Variants in PCCB observed in about 807,000 individuals in gnomAD.
PCCB encodes propionyl-CoA carboxylase beta chain, mitochondrial.
In PCCB, 43 loss-of-function variants were observed where a neutral mutation model predicts 60.7. The observed-to-expected ratio is 0.71, with a 90% confidence interval of 0.55 to 0.91. The LOEUF (loss-of-function observed/expected upper bound fraction) is 0.91. Ranked by LOEUF, PCCB falls within the 40% of genes least tolerant of loss-of-function variation. PCCB has a pLI of 0.00. For synonymous variants in PCCB, 276 were observed against 255.9 expected (o/e 1.08, Z -0.75); for missense variants, 766 against 702.8 (o/e 1.09, Z -1.02).
At chr3:136,326,366 G>A (rs949387080) in intron 10 of PCCB, 3 of 702,936 alleles carry the variant, frequency 4.3e-6, no homozygotes, top group Admixed American at 4.0e-5. Context: ...CTAGGAGGCA[G>A]TATCGTCCCT....
At chr3:136,327,830 C>A in intron 13 of PCCB, 98 bp downstream of exon 13, 1 of 983,618 alleles carries the variant, frequency 1.0e-6, no homozygotes, top group Non-Finnish European at 1.6e-6. Context: ...GAGGCCAGGG[C>A]CCCTAGGTTG....
At chr3:136,299,946 GCATA>G (rs1934180556) in intron 8 of PCCB, among the ~76,000 whole-genome samples, 1 of 151,734 alleles carries the variant, frequency 6.6e-6, no homozygotes, top group African/African-American at 2.4e-5. Flanking sequence ...ATACGCATAT[GCATA>G]CATATATACA....
At chr3:136,268,098 A>ATATATATATATG (rs1942073902) in intron 5 of PCCB, among the ~76,000 whole-genome samples, 1 of 115,536 alleles carries the variant, frequency 8.7e-6, no homozygotes. Flanking sequence ...ATATATATAT[A>ATATATATATATG]TATATATATA....
At chr3:136,328,137 A>G (rs1160715182) in intron 13 of PCCB, among the ~76,000 whole-genome samples, 1 of 152,180 alleles carries the variant, frequency 6.6e-6, no homozygotes, top group African/African-American at 2.4e-5. Context: ...AGCTCATAAG[A>G]AGCTAAACTG....
At chr3:136,294,148 A>G (rs1933830359) in intron 7 of PCCB, among the ~76,000 whole-genome samples, 1 of 152,178 alleles carries the variant, frequency 6.6e-6, no homozygotes, top group Non-Finnish European at 1.5e-5. Context: ...ATAAGTAGGT[A>G]TGATTTATGT....
Position 136,261,933 on chromosome 3 carries a change from G to A in PCCB, c.430-19G>A. 1 of 1,459,194 alleles carries A rather than the reference G, an allele frequency of 6.9e-7. No homozygotes were observed. Among genetic ancestry groups the A allele is most frequent in the Admixed American group, 2.0e-5 (1 of 50,940 alleles). 90.4% of individuals were successfully genotyped at this position (1,459,194 alleles called of 1,614,324 possible). A position where few individuals can be genotyped will look rare whatever the true frequency, so the allele number is the denominator to read the frequency against. ...ATCAAGAACATTTGTCTCAATAAAA[G>A]ATTTCTCTGCTGTCTCAGATCATGG... On this transcript the variant is annotated intron_variant, in intron 4 of 14. Coordinates refer to ENST00000251654, the MANE Select transcript of PCCB (RefSeq NM_000532.5).
At chr3:136,251,217 G>A (rs899838828) in intron 1 of PCCB, 2 of 456,510 alleles carry the variant, frequency 4.4e-6, no homozygotes, top group African/African-American at 4.0e-5. Flanking sequence ...TTGAAACACT[G>A]CCACCCACCG....
At chr3:136,252,017 A>G (rs2108130393) in intron 1 of PCCB, among the ~76,000 whole-genome samples, 1 of 152,004 alleles carries the variant, frequency 6.6e-6, no homozygotes, top group South Asian at 2.1e-4. Flanking sequence ...AGCTGGGATT[A>G]CAGGTGCCCA....
intron 5 of PCCB, among the ~76,000 whole-genome samples, chr3:136,278,305 T>G (rs956378526): frequency 6.6e-6 from 1 of 152,170 alleles, no homozygotes; most frequent in East Asian, 1.9e-4. Flanking sequence ...AGTTTTTCCC[T>G]TGTCTTATGG....
chr3:136,272,878 C>T (rs1291740353), intron 5 of PCCB, among the ~76,000 whole-genome samples: 3 of 151,880 alleles, frequency 2.0e-5, no homozygotes, highest in Non-Finnish European at 4.4e-5. Flanking sequence ...TAGTTCGTAC[C>T]TGTTTCTCTG....
rs141606075 is a variant in PCCB, at chr3:136,268,640, T to G, written c.543+6575T>G. 1.0e-3 allele frequency among the ~76,000 whole-genome samples: 154 copies of G among 152,100 alleles called. 1 individual carries two copies. The highest frequency in any genetic ancestry group is 3.6e-3 in the African/African-American group (151 of 41,496). ...CAGCACACCTAGCTAATTTTTGTAT[T>G]TTTAGTGGAGATAGGGTTTCACCAT... On this transcript the variant is annotated intron_variant, in intron 5 of 14. Coordinates refer to ENST00000251654, the MANE Select transcript of PCCB (RefSeq NM_000532.5).
chr3:136,317,176 C>CA, intron 10 of PCCB, 112 bp downstream of exon 10: 4 of 931,680 alleles, frequency 4.3e-6, no homozygotes, highest in Non-Finnish European at 6.6e-6. Flanking sequence ...CTTCCATGAC[C>CA]AGAGGAAAAA....
intron 3 of PCCB, 115 bp downstream of exon 3, chr3:136,256,738 A>AGGG (rs1941680541): frequency 1.3e-6 from 1 of 779,620 alleles, no homozygotes. Flanking sequence ...GGGGAAAATG[A>AGGG]GGGATTTGCT....
intron 8 of PCCB, among the ~76,000 whole-genome samples, chr3:136,299,892 A>G (rs1325078965): frequency 6.6e-6 from 1 of 151,922 alleles, no homozygotes; most frequent in Non-Finnish European, 1.5e-5. Context: ...ATGTACGTAT[A>G]TGCGTACATA....
chr3:136,263,326 C>T (rs1490108614), intron 5 of PCCB, among the ~76,000 whole-genome samples: 1 of 147,258 alleles, frequency 6.8e-6, no homozygotes, highest in East Asian at 2.0e-4. Flanking sequence ...AATGCAGTGG[C>T]ATGATCTCTG....
At chr3:136,311,508 A>G (rs1341406148) in intron 9 of PCCB, among the ~76,000 whole-genome samples, 1 of 151,408 alleles carries the variant, frequency 6.6e-6, no homozygotes, top group African/African-American at 2.4e-5. Context: ...ACCTGATTTA[A>G]TATTTTTTTT....
At position 136,265,083 on chromosome 3, in the gene PCCB, A is replaced by G. The variant is rs376223249; in HGVS notation, c.543+3018A>G. On this transcript the variant is annotated intron_variant, in intron 5 of 14. Transcript: ENST00000251654. ...ATGGCGAGCGCCTGTAATCCCAGCTACTCGGGAGGCTGAGGCAGGGAATTG... is the reference window on the plus strand; with the variant it reads ...ATGGCGAGCGCCTGTAATCCCAGCTGCTCGGGAGGCTGAGGCAGGGAATTG... 2.7e-4 allele frequency among the ~76,000 whole-genome samples: 41 copies of G among 151,820 alleles called. 1 individual carries two copies. Among genetic ancestry groups the G allele is most frequent in the African/African-American group, 9.7e-4 (40 of 41,292 alleles).
intron 5 of PCCB, among the ~76,000 whole-genome samples, chr3:136,269,538 T>G (rs964387355): frequency 6.6e-6 from 1 of 152,154 alleles, no homozygotes; most frequent in African/African-American, 2.4e-5. Flanking sequence ...TTCTTTTTCT[T>G]GCTAATTGCT....
chr3:136,293,569 T>TA (rs1324478565), intron 6 of PCCB, among the ~76,000 whole-genome samples, 187 bp from the exon 7 acceptor site: 2 of 152,226 alleles, frequency 1.3e-5, no homozygotes, highest in African/African-American at 4.8e-5. Context: ...AGAAATTTTT[T>TA]AAAAAAGACA....
Sources: allele counts gnomAD v4.1 joint callset (sites outside exome capture counted in the v4.1 genomes callset), GRCh38; gene constraint gnomAD v4.1.1; transcripts MANE v1.5; gene names NCBI Gene and HGNC (gene_info 2026-07-23, HGNC 2026-07-21).